The following CCT5 variants were observed in gnomAD, a reference collection of about 807,000 sequenced individuals.
CCT5 encodes T-complex protein 1 subunit epsilon.
In CCT5, 6 loss-of-function variants were observed where a neutral mutation model predicts 55.0. That is an observed-to-expected ratio of 0.11 (90% CI 0.06 to 0.22). CCT5 has a LOEUF of 0.22. Among genes scored for constraint, CCT5 ranks in the 10% least tolerant of loss-of-function variants. The probability of loss-of-function intolerance (pLI) is 1.00; values close to 1 mark genes in which losing one functional copy is unlikely to be tolerated. For synonymous variants in CCT5, 231 were observed against 243.7 expected, an observed-to-expected ratio of 0.95 and a Z score of 0.49; for missense variants, 560 against 694.6, an observed-to-expected ratio of 0.81 and a Z score of 2.18.
intron 8 of CCT5, chr5:10,262,255 T>C: frequency 1.8e-6 from 1 of 545,618 alleles, no homozygotes; most frequent in Non-Finnish European, 3.3e-6. Flanking sequence ...AGTTTTTGAC[T>C]CTTGCTTGAC....
In CCT5 at chr5:10,265,043, G is replaced by A. The variant is rs544791402; in HGVS notation, c.*260G>A. 3 of 414,532 alleles carry A rather than the reference G, an allele frequency of 7.2e-6. No individual in the cohort carries two copies. The highest frequency in any genetic ancestry group is 4.0e-5 in the African/African-American group (2 of 49,388). The allele number at this position is 414,532 out of a possible 1,614,324, so 25.7% of individuals were successfully genotyped here. On this transcript the variant is annotated 3_prime_UTR_variant, in exon 11 of 11. Transcript: ENST00000280326. Reference sequence around the variant, plus strand: ...TATCTTCTCTTCGGGTTTAAGAAACGTTTATTGTAACAGTAATTAAATGCT... The same window carrying A: ...TATCTTCTCTTCGGGTTTAAGAAACATTTATTGTAACAGTAATTAAATGCT...
intron 4 of CCT5, chr5:10,257,736 C>T (rs924394480): frequency 6.3e-6 from 2 of 319,792 alleles, no homozygotes; most frequent in South Asian, 5.6e-5. Flanking sequence ...CTTACCTTTC[C>T]CATTCTGTTC....
At chr5:10,257,960 CTG>C in intron 4 of CCT5, 149 bp from the exon 5 acceptor site, 1 of 785,260 alleles carries the variant, frequency 1.3e-6, no homozygotes, top group Non-Finnish European at 2.2e-6. Flanking sequence ...CTGCCCCAGA[CTG>C]TTGAAAATGC....
intron 1 of CCT5, among the ~76,000 whole-genome samples, chr5:10,253,190 C>T (rs920766286): frequency 6.6e-6 from 1 of 152,028 alleles, no homozygotes; most frequent in African/African-American, 2.4e-5. Flanking sequence ...ATGAGCAGGG[C>T]GTCATGGCGC....
At chr5:10,255,746 A>G (rs1745641289) in intron 3 of CCT5, among the ~76,000 whole-genome samples, 1 of 152,194 alleles carries the variant, frequency 6.6e-6, no homozygotes, top group Admixed American at 6.5e-5. Flanking sequence ...TTGAATGTTC[A>G]TCTGTAAGGG....
chr5:10,262,859 A>G (rs570412577), intron 9 of CCT5, among the ~76,000 whole-genome samples: 1 of 152,356 alleles, frequency 6.6e-6, no homozygotes, highest in Admixed American at 6.5e-5. Flanking sequence ...ATAGTCTTTT[A>G]ATGTTATTTG....
At chr5:10,256,275 T>C (rs1394028453) in intron 4 of CCT5, 122 bp downstream of exon 4, 2 of 889,748 alleles carry the variant, frequency 2.2e-6, no homozygotes, top group African/African-American at 3.3e-5. Context: ...TTGTTTTGAT[T>C]ACTTGGTTTT....
rs985598316 is a variant in CCT5 at position 10,250,775 on chromosome 5, G to C, written c.105+330G>C. ...TCCAGCCTGACGGCCGCGTGGGACT[G>C]CGCTCCAGTGGGAGGGCGCCGGGGA... On this transcript the variant is annotated intron_variant, in intron 1 of 10. Transcript: ENST00000280326. 8 of 1,204,816 alleles carry C rather than the reference G, an allele frequency of 6.6e-6. No homozygotes were observed. In the African/African-American group the frequency reaches 9.7e-5, roughly 15 times the overall value. 74.6% of individuals were successfully genotyped at this position (1,204,816 alleles called of 1,614,324 possible).
chr5:10,261,328 C>T (rs1395999494), intron 7 of CCT5: 22 of 569,584 alleles, frequency 3.9e-5, no homozygotes, highest in South Asian at 2.7e-4. Flanking sequence ...AGGGGACGGG[C>T]GCCGGGTGAT....
chr5:10,252,020 A>C (rs1745447869), intron 1 of CCT5, among the ~76,000 whole-genome samples: 1 of 152,236 alleles, frequency 6.6e-6, no homozygotes, highest in African/African-American at 2.4e-5. Flanking sequence ...GCTACTAAAG[A>C]GCATTACCAT....
rs563040276 is a variant in CCT5 at position 10,260,535 on chromosome 5, G to A, written c.874-257G>A. ...TGGGTTTTGCCTCACTGTAACAATA[G>A]GGTTCAGCAGAATTACTGCTTGTGG... On this transcript the variant is annotated intron_variant, in intron 6 of 10. Transcript: ENST00000280326. Among the ~76,000 whole-genome samples the A allele has an allele frequency of 5.0e-3, 322 of 64,352 alleles. 2 individuals carry two copies. The highest frequency in any genetic ancestry group is 0.014 in the Non-Finnish European group (261 of 18,606). The allele number at this position is 64,352 out of a possible 152,430, so 42.2% of individuals were successfully genotyped here. A position where few individuals can be genotyped will look rare whatever the true frequency, so the allele number is the denominator to read the frequency against.
At chr5:10,256,954 ACT>A (rs1745714090) in intron 4 of CCT5, among the ~76,000 whole-genome samples, 1 of 152,046 alleles carries the variant, frequency 6.6e-6, no homozygotes, top group South Asian at 2.1e-4. Context: ...CTCCCAGGAG[ACT>A]CTAAGCAACC....
rs1746055282 is a variant in CCT5, at chr5:10,263,242, G to A, written c.1426G>A (p.Glu476Lys). ...CATGAATCCCATCCAGACTATGACC[G>A]AAGTCCGAGCCAGACAGGTGAAGGA... is the stretch of plus-strand genomic sequence containing the variant. ...SGMNPIQTMT[E>K]VRARQVKEMN... Residue 476 changes from glutamate to lysine, a missense_variant, in exon 10 of 11, where the codon GAA (glutamate) becomes AAA (lysine). Glu to Lys is a moderately conservative substitution (Grantham distance 56). Around this residue, in one of 4 missense-constraint regions of CCT5, gnomAD observed 115 missense variants for 105.0 expected, o/e 1.10. Coordinates refer to ENST00000280326, the MANE Select transcript of CCT5 (RefSeq NM_012073.5). 3.7e-6 allele frequency: 6 copies of A among 1,614,012 alleles called. No individual in the cohort carries two copies. The highest frequency in any genetic ancestry group is 2.2e-5 in the South Asian group (2 of 91,080).
Position 10,260,808 on chromosome 5 carries a change from C to T in CCT5, c.890C>T (p.Ala297Val), listed in dbSNP as rs764237293. The T allele has an allele frequency of 6.2e-7, 1 of 1,613,878 alleles. No homozygotes were observed. Residue 297 changes from alanine to valine, a missense_variant, in exon 7 of 11, where the codon GCT becomes GTT. Physicochemically the swap from Ala to Val is moderately conservative, Grantham distance 64 (BLOSUM62 0). Transcript: ENST00000280326. ...EMIQQIKETGANLAICQWGFD... is the reference protein window; with the variant it reads ...EMIQQIKETGVNLAICQWGFD... ...TTTTCCCAGATTAAAGAGACTGGTG[C>T]TAACCTAGCAATTTGTCAGTGGGGC...
Position 10,250,401 on chromosome 5 carries a change from G to A in CCT5, c.61G>A (p.Asp21Asn), listed in dbSNP as rs1213195325. Residue 21 changes from aspartate (D) to asparagine (N), a missense_variant, in exon 1 of 11, where the codon GAT (aspartate) becomes AAT (asparagine). Transcript: ENST00000280326. ...EYGRPFLIIKDQDRKSRLMGL... is the reference protein window; with the variant it reads ...EYGRPFLIIKNQDRKSRLMGL... ...TGGGCGCCCTTTCCTCATCATCAAG[G>A]ATCAGGACCGCAAGTCCCGTCTTAT... The A allele has an allele frequency of 6.2e-7, 1 of 1,613,956 alleles. No homozygotes were observed. The highest frequency in any genetic ancestry group is 1.7e-5 in the Admixed American group (1 of 60,006).
rs750328176 is a variant in CCT5, at chr5:10,250,336, G to A, written c.-5G>A. 1.2e-6 allele frequency: 2 copies of A among 1,613,950 alleles called. No homozygotes were observed. The highest frequency in any genetic ancestry group is 1.7e-5 in the Admixed American group (1 of 60,008). On this transcript the variant is annotated 5_prime_UTR_variant, in exon 1 of 11. Coordinates refer to ENST00000280326, the MANE Select transcript of CCT5 (RefSeq NM_012073.5). ...TTGGGGGGAAGTAATTCCGGTTGTTGCACCATGGCGTCCATGGGGACCCTC... is the reference window on the plus strand; with the variant it reads ...TTGGGGGGAAGTAATTCCGGTTGTTACACCATGGCGTCCATGGGGACCCTC...
Position 10,265,131 on chromosome 5 carries a change from A to C in CCT5, c.*348A>C, listed in dbSNP as rs1746158732. ...CAAAATAAGCTGTAGGGACTATTTT[A>C]ACAGCTTAAACAGGAGCTCTCAAGA... is the stretch of plus-strand genomic sequence containing the variant. On this transcript the variant is annotated 3_prime_UTR_variant, in exon 11 of 11. Coordinates refer to ENST00000280326, the MANE Select transcript of CCT5 (RefSeq NM_012073.5). 1.9e-5 allele frequency: 5 copies of C among 258,256 alleles called. No homozygotes were observed. 16.0% of individuals were successfully genotyped at this position (258,256 alleles called of 1,614,324 possible).
intron 10 of CCT5, among the ~76,000 whole-genome samples, chr5:10,264,393 A>G (rs1028078521): frequency 2.0e-5 from 3 of 152,220 alleles, no homozygotes; most frequent in Non-Finnish European, 4.4e-5. Flanking sequence ...TGTTCCTGAA[A>G]AATGTCACCC....
intron 1 of CCT5, among the ~76,000 whole-genome samples, chr5:10,253,021 C>G (rs1283275515): frequency 6.6e-6 from 1 of 151,992 alleles, no homozygotes; most frequent in African/African-American, 2.4e-5. Context: ...CAGCTACTTA[C>G]CTTCCTTAAG....
Sources: gnomAD v4.1 joint callset for allele counts (sites outside exome capture counted in the v4.1 genomes callset) on GRCh38, gnomAD v4.1.1 for gene constraint, gnomAD v4.1.1 regional missense constraint, MANE v1.5 for transcripts, NCBI Gene and HGNC (gene_info 2026-07-23, HGNC 2026-07-21) for gene names.